The following INPP4B variants were observed in gnomAD, a reference collection of about 807,000 sequenced individuals.
INPP4B encodes inositol polyphosphate 4-phosphatase type II.
In INPP4B, 55 loss-of-function variants were observed where a neutral mutation model predicts 122.5. The observed-to-expected ratio is 0.45, with a 90% CI of 0.36 to 0.56. The LOEUF (loss-of-function observed/expected upper bound fraction) is 0.56, where lower values mean the gene tolerates loss of function less well. INPP4B is among the 20% of genes least tolerant of loss of function. INPP4B has a pLI of 0.00. For missense variants in INPP4B, 1,000 were observed against 1,097.7 expected, an observed-to-expected ratio of 0.91 and a Z score of 1.26; for synonymous variants, 403 against 388.7, an observed-to-expected ratio of 1.04 and a Z score of -0.43.
intron 1 of INPP4B, among the ~76,000 whole-genome samples, chr4:142,831,712 A>C (rs909437677): frequency 6.6e-6 from 1 of 152,182 alleles, no homozygotes; most frequent in Non-Finnish European, 1.5e-5. Context: ...ATCTGCAAAC[A>C]AACTTCACCT....
At chr4:142,566,429 A>C (rs1348310645) in intron 2 of INPP4B, among the ~76,000 whole-genome samples, 2 of 152,206 alleles carry the variant, frequency 1.3e-5, no homozygotes, top group Non-Finnish European at 2.9e-5. Flanking sequence ...TTTACTAAAC[A>C]GGGCACCTGG....
intron 2 of INPP4B, among the ~76,000 whole-genome samples, chr4:142,532,429 C>T (rs1425813993): frequency 1.3e-5 from 2 of 152,144 alleles, no homozygotes; most frequent in South Asian, 2.1e-4. Context: ...TTTCAGGGAA[C>T]ATTTTCCTAA....
intron 2 of INPP4B, among the ~76,000 whole-genome samples, chr4:142,643,207 T>C (rs892516520): frequency 6.6e-6 from 1 of 152,138 alleles, no homozygotes; most frequent in Non-Finnish European, 1.5e-5. Context: ...AATCATGCCA[T>C]CTGCAAACAG....
rs149589994 is a variant in INPP4B, at chr4:142,252,913, A to G, written c.688+7579T>C. On this transcript the variant is annotated intron_variant, in intron 11 of 25. Coordinates refer to ENST00000262992, the MANE Select transcript of INPP4B (RefSeq NM_001101669.3). Reference sequence around the variant, plus strand: ...TGTTCTGAGAAAGTAGTCATTAGGCAATTTCGTCATGGTGCAAACATCATA... The same window carrying G: ...TGTTCTGAGAAAGTAGTCATTAGGCGATTTCGTCATGGTGCAAACATCATA... Among the ~76,000 whole-genome samples, 142 of 152,292 alleles carry G rather than the reference A, an allele frequency of 9.3e-4. 1 individual carries two copies. The highest frequency in any genetic ancestry group is 3.4e-3 in the Middle Eastern group (1 of 294).
intron 9 of INPP4B, among the ~76,000 whole-genome samples, chr4:142,278,338 T>A (rs1406462571): frequency 2.6e-5 from 4 of 151,932 alleles, no homozygotes; most frequent in Non-Finnish European, 4.4e-5. Flanking sequence ...GAAATGCAAG[T>A]GTGGGCATTA....
At chr4:142,435,624 C>A (rs1333708911) in intron 3 of INPP4B, among the ~76,000 whole-genome samples, 3 of 152,152 alleles carry the variant, frequency 2.0e-5, no homozygotes, top group Non-Finnish European at 4.4e-5. Context: ...GCTGGCATGA[C>A]CCAGAGAGTA....
chr4:142,428,140 TA>T (rs1489584721), intron 5 of INPP4B, among the ~76,000 whole-genome samples: 1 of 151,532 alleles, frequency 6.6e-6, no homozygotes, highest in Non-Finnish European at 1.5e-5. Context: ...AGTCATATTT[TA>T]AAATAAAATA....
chr4:142,711,239 C>G (rs1210414902), intron 2 of INPP4B, among the ~76,000 whole-genome samples: 1 of 152,140 alleles, frequency 6.6e-6, no homozygotes, highest in Non-Finnish European at 1.5e-5. Context: ...CTCAGAGAGG[C>G]CTCCCAGGCC....
chr4:142,523,505 C>T (rs912452748), intron 2 of INPP4B, among the ~76,000 whole-genome samples: 3 of 152,038 alleles, frequency 2.0e-5, no homozygotes, highest in African/African-American at 2.4e-5. Flanking sequence ...AATAATTTCT[C>T]AGCTTTCAAA....
At chr4:142,506,682 T>C (rs1025442128) in intron 2 of INPP4B, among the ~76,000 whole-genome samples, 1 of 152,130 alleles carries the variant, frequency 6.6e-6, no homozygotes, top group Non-Finnish European at 1.5e-5. Context: ...TTTCTTACTG[T>C]GGGTCAGGGG....
chr4:142,256,157 G>A (rs574025956), intron 11 of INPP4B, among the ~76,000 whole-genome samples: 200 of 147,282 alleles, frequency 1.4e-3, no homozygotes, highest in African/African-American at 4.8e-3. Flanking sequence ...TGAAACCAAC[G>A]AGAACAAAGA....
chr4:142,602,402 C>G (rs1560852304), intron 2 of INPP4B, among the ~76,000 whole-genome samples: 1 of 152,114 alleles, frequency 6.6e-6, no homozygotes, highest in Non-Finnish European at 1.5e-5. Flanking sequence ...GCAATACTTT[C>G]CAAAATAATT....
intron 2 of INPP4B, among the ~76,000 whole-genome samples, chr4:142,569,151 C>T (rs1732270832): frequency 2.0e-5 from 3 of 151,802 alleles, no homozygotes; most frequent in Non-Finnish European, 4.4e-5. Flanking sequence ...CTCTGCCTTA[C>T]AAAAAAGTAG....
At chr4:142,524,458 T>C (rs896642493) in intron 2 of INPP4B, among the ~76,000 whole-genome samples, 3 of 152,050 alleles carry the variant, frequency 2.0e-5, no homozygotes, top group African/African-American at 7.2e-5. Flanking sequence ...ATGTCTTCTT[T>C]TGAGAAGTGT....
intron 7 of INPP4B, among the ~76,000 whole-genome samples, chr4:142,351,502 G>A (rs1244298502): frequency 6.6e-6 from 1 of 151,944 alleles, no homozygotes; most frequent in Admixed American, 6.6e-5. Flanking sequence ...GTTAGAGAAA[G>A]CATTTTTGTC....
chr4:142,079,351 G>C (rs1055775570), intron 25 of INPP4B, among the ~76,000 whole-genome samples: 2 of 151,832 alleles, frequency 1.3e-5, no homozygotes, highest in Non-Finnish European at 2.9e-5. Flanking sequence ...TAAATTTCCA[G>C]AGGTGGTTCT....
intron 2 of INPP4B, among the ~76,000 whole-genome samples, chr4:142,666,699 C>A (rs1466189572): frequency 6.6e-6 from 1 of 151,974 alleles, no homozygotes; most frequent in Non-Finnish European, 1.5e-5. Context: ...TGAACACCTA[C>A]TGTTTGTTAA....
intron 2 of INPP4B, among the ~76,000 whole-genome samples, chr4:142,559,607 A>T (rs913115109): frequency 6.6e-6 from 1 of 152,164 alleles, no homozygotes; most frequent in African/African-American, 2.4e-5. Context: ...ATAAGTTTTT[A>T]TCAATATTGT....
At chr4:142,667,698 C>T (rs1580668396) in intron 2 of INPP4B, among the ~76,000 whole-genome samples, 1 of 151,984 alleles carries the variant, frequency 6.6e-6, no homozygotes, top group Non-Finnish European at 1.5e-5. Flanking sequence ...TGGAGGATAG[C>T]GAAGACTATA....
Sources: gnomAD v4.1 joint callset for allele counts (sites outside exome capture counted in the v4.1 genomes callset) on GRCh38, gnomAD v4.1.1 for gene constraint, MANE v1.5 for transcripts, NCBI Gene and HGNC (gene_info 2026-07-23, HGNC 2026-07-21) for gene names.